The following ATP13A4 variants were observed in gnomAD, a reference collection of about 807,000 sequenced individuals.
The protein encoded by ATP13A4 is ATPase 13A4.
In ATP13A4, 114 loss-of-function variants were observed where a neutral mutation model predicts 142.5. The observed-to-expected ratio is 0.80, with a 90% confidence interval of 0.69 to 0.93. The LOEUF (loss-of-function observed/expected upper bound fraction) is 0.93, where lower values mean the gene tolerates loss of function less well. Among genes scored for constraint, ATP13A4 ranks in the 40% least tolerant of loss-of-function variants. ATP13A4 has a pLI of 0.00. For missense variants in ATP13A4, 1,392 were observed against 1,454.0 expected, an observed-to-expected ratio of 0.96 and a Z score of 0.69; for synonymous variants, 488 against 514.8, an observed-to-expected ratio of 0.95 and a Z score of 0.70.
At chr3:193,533,818 T>C (rs1722451665) in intron 1 of ATP13A4, among the ~76,000 whole-genome samples, 1 of 152,148 alleles carries the variant, frequency 6.6e-6, no homozygotes, top group African/African-American at 2.4e-5. Context: ...GAAGGTCAAG[T>C]AGAAAGCTGG....
chr3:193,496,365 G>T (rs1048061848), intron 3 of ATP13A4, among the ~76,000 whole-genome samples: 1 of 152,158 alleles, frequency 6.6e-6, no homozygotes, highest in Non-Finnish European at 1.5e-5. Flanking sequence ...TGCTGGCAGA[G>T]AAATAGACAT....
chr3:193,496,746 G>A (rs187617715), intron 3 of ATP13A4, among the ~76,000 whole-genome samples: 72 of 152,116 alleles, frequency 4.7e-4, no homozygotes, highest in Admixed American at 1.9e-3. Context: ...AGCCGAGATC[G>A]TGCCACTGCA....
At chr3:193,511,581 A>G (rs531634303) in intron 2 of ATP13A4, among the ~76,000 whole-genome samples, 1 of 152,378 alleles carries the variant, frequency 6.6e-6, no homozygotes, top group South Asian at 2.1e-4. Context: ...GGCTTGAGCA[A>G]TGACACACAC....
chr3:193,527,616 A>AG (rs1480696290), intron 1 of ATP13A4, among the ~76,000 whole-genome samples: 5 of 151,704 alleles, frequency 3.3e-5, no homozygotes, highest in African/African-American at 1.2e-4. Context: ...CATCTAAAAA[A>AG]AAAAAAAAAA....
intron 1 of ATP13A4, among the ~76,000 whole-genome samples, chr3:193,551,915 AG>A (rs1041553461): frequency 6.6e-5 from 10 of 152,296 alleles, no homozygotes; most frequent in African/African-American, 2.4e-4. Flanking sequence ...CAGGTCACCT[AG>A]GGTTGCTCTT....
At chr3:193,509,147 G>A (rs1721012620) in intron 2 of ATP13A4, among the ~76,000 whole-genome samples, 1 of 152,118 alleles carries the variant, frequency 6.6e-6, no homozygotes, top group African/African-American at 2.4e-5. Flanking sequence ...CCCTCCACCT[G>A]CATCACTCTC....
intron 2 of ATP13A4, among the ~76,000 whole-genome samples, chr3:193,506,984 C>T (rs1481287935): frequency 1.3e-5 from 2 of 152,132 alleles, no homozygotes; most frequent in African/African-American, 4.8e-5. Context: ...TAATTCTATC[C>T]TTTTACAATA....
intron 19 of ATP13A4, 57 bp from the exon 20 acceptor site, chr3:193,441,645 C>T: frequency 6.3e-7 from 1 of 1,585,194 alleles, no homozygotes; most frequent in Non-Finnish European, 8.6e-7. Context: ...TGGTTAGAAC[C>T]ATAAGCATAT....
At chr3:193,443,219 G>A (rs543686308) in intron 18 of ATP13A4, among the ~76,000 whole-genome samples, 29 of 152,218 alleles carry the variant, frequency 1.9e-4, no homozygotes, top group African/African-American at 3.6e-4. Context: ...GGGCATGGGC[G>A]GAATCCTGGA....
At chr3:193,407,208 G>A in intron 29 of ATP13A4, 105 bp downstream of exon 29, 1 of 977,686 alleles carries the variant, frequency 1.0e-6, no homozygotes, top group Non-Finnish European at 1.6e-6. Flanking sequence ...CTGCACTGCT[G>A]AGTCCATGTC....
intron 3 of ATP13A4, among the ~76,000 whole-genome samples, chr3:193,496,597 C>T (rs1158660831): frequency 1.3e-5 from 2 of 152,052 alleles, no homozygotes; most frequent in Non-Finnish European, 2.9e-5. Flanking sequence ...TTGAGACCAG[C>T]CTGGCCAACA....
At chr3:193,581,230 A>G (rs1202644829) in intron 2 of ATP13A4, among the ~76,000 whole-genome samples, 1 of 152,218 alleles carries the variant, frequency 6.6e-6, no homozygotes, top group Non-Finnish European at 1.5e-5. Context: ...TATTGTCTCA[A>G]TTATGTATGT....
chr3:193,503,071 A>G (rs564654662), intron 2 of ATP13A4, among the ~76,000 whole-genome samples: 2 of 152,282 alleles, frequency 1.3e-5, no homozygotes, highest in South Asian at 4.2e-4. Flanking sequence ...TAACTCCAAA[A>G]AAATGTTAAG....
chr3:193,458,102 G>A (rs573172848), intron 14 of ATP13A4, among the ~76,000 whole-genome samples: 24 of 152,294 alleles, frequency 1.6e-4, no homozygotes, highest in African/African-American at 5.3e-4. Flanking sequence ...TGGAGGATTG[G>A]CAAAGTTATA....
intron 1 of ATP13A4, among the ~76,000 whole-genome samples, chr3:193,546,852 G>A (rs1031944337): frequency 6.6e-6 from 1 of 152,218 alleles, no homozygotes; most frequent in East Asian, 1.9e-4. Flanking sequence ...ATAAAAGAGA[G>A]ATGACAGTTC....
chr3:193,484,163 T>G (rs1231369270), intron 7 of ATP13A4, among the ~76,000 whole-genome samples, 158 bp from the exon 8 acceptor site: 1 of 152,118 alleles, frequency 6.6e-6, no homozygotes, highest in African/African-American at 2.4e-5. Flanking sequence ...CATTATTTAA[T>G]TGAAAAAGCA....
intron 29 of ATP13A4, chr3:193,404,160 C>G (rs1315452138): frequency 2.1e-5 from 21 of 985,220 alleles, no homozygotes; most frequent in Non-Finnish European, 2.4e-5. Context: ...AGTAGTTCTT[C>G]TTAGAGCTGG....
intron 1 of ATP13A4, among the ~76,000 whole-genome samples, chr3:193,519,626 A>ATTTTTTTTTTT (rs147173408): frequency 1.6e-4 from 11 of 69,040 alleles, no homozygotes; most frequent in Non-Finnish European, 2.5e-4. Flanking sequence ...GCAATTTGTA[A>ATTTTTTTTTTT]TTTTTTTTTT....
At position 193,457,059 on chromosome 3, in the gene ATP13A4, C is replaced by G; in HGVS notation, c.1856G>C (p.Arg619Pro). 3.1e-6 allele frequency: 5 copies of G among 1,614,082 alleles called. No homozygotes were observed. Among genetic ancestry groups the G allele is most frequent in the Non-Finnish European group, 4.2e-6 (5 of 1,180,038 alleles). The change falls in exon 16 of 30, where the codon CGA becomes CCA. Residue 619 changes from arginine to proline, a missense_variant. Transcript: ENST00000342695. ...TVIVQEMGGD[R>P]LAFMKGAPER... is the part of the protein sequence containing the mutation. ...TGGTGCACCTTTCATGAATGCCAGT[C>G]GGTCACCTCCCATCTCTTGGACAAT...
Sources: gnomAD v4.1 joint callset for allele counts (sites outside exome capture counted in the v4.1 genomes callset) on GRCh38, gnomAD v4.1.1 for gene constraint, MANE v1.5 for transcripts, NCBI Gene and HGNC (gene_info 2026-07-23, HGNC 2026-07-21) for gene names.